CDH18: variants seen among roughly 807,000 people sequenced by gnomAD.
CDH18 encodes the protein cadherin 18, also known as cadherin-18.
A neutral mutation model predicts 67.9 loss-of-function variants in CDH18; 31 were observed. That is an observed-to-expected ratio of 0.46 (90% CI 0.34 to 0.62). CDH18 has a LOEUF of 0.62. Ranked by LOEUF, CDH18 falls within the 20% of genes least tolerant of loss-of-function variation. The pLI, the probability that CDH18 is intolerant of heterozygous loss-of-function variation, is 0.01. For missense variants in CDH18, 890 were observed against 975.5 expected (o/e 0.91, Z 1.17); for synonymous variants, 362 against 347.2 (o/e 1.04, Z -0.48).
chr5:20,039,079 G>T (rs905178197), intron 2 of CDH18, among the ~76,000 whole-genome samples: 1 of 79,472 alleles, frequency 1.3e-5, no homozygotes, highest in African/African-American at 2.9e-5. Flanking sequence ...AATAGTGAGT[G>T]AACTCCCATT....
chr5:20,163,202 G>A (rs1219669857), intron 2 of CDH18, among the ~76,000 whole-genome samples: 3 of 151,734 alleles, frequency 2.0e-5, no homozygotes, highest in African/African-American at 7.3e-5. Context: ...ACTTCATCTT[G>A]TATATTTCTA....
chr5:20,316,142 C>A (rs1737439618), intron 1 of CDH18, among the ~76,000 whole-genome samples: 1 of 152,080 alleles, frequency 6.6e-6, no homozygotes, highest in Admixed American at 6.6e-5. Flanking sequence ...TGAGAAGAAG[C>A]TTTCAAGATT....
intron 5 of CDH18, among the ~76,000 whole-genome samples, chr5:19,673,154 A>G (rs1049572416): frequency 3.3e-5 from 5 of 152,046 alleles, no homozygotes; most frequent in Non-Finnish European, 5.9e-5. Flanking sequence ...CTGTCTTTAC[A>G]CCATGCTTTA....
chr5:20,327,916 G>A (rs1441607215), intron 1 of CDH18, among the ~76,000 whole-genome samples: 1 of 151,972 alleles, frequency 6.6e-6, no homozygotes, highest in Non-Finnish European at 1.5e-5. Flanking sequence ...TATTAATAAA[G>A]TTGAGATAAA....
chr5:19,871,710 A>G (rs898621132), intron 2 of CDH18, among the ~76,000 whole-genome samples: 1 of 152,130 alleles, frequency 6.6e-6, no homozygotes, highest in Non-Finnish European at 1.5e-5. Context: ...TGAGGCATGA[A>G]TGTCTTCTGC....
intron 2 of CDH18, among the ~76,000 whole-genome samples, chr5:20,172,695 G>C (rs1736924784): frequency 6.6e-6 from 1 of 151,968 alleles, no homozygotes; most frequent in Admixed American, 6.6e-5. Context: ...TTTTCTTAAA[G>C]GAATATCCAT....
chr5:20,161,013 C>A (rs1216640044), intron 2 of CDH18, among the ~76,000 whole-genome samples: 1 of 152,214 alleles, frequency 6.6e-6, no homozygotes. Flanking sequence ...TGTTCACATA[C>A]TGACTGTGGC....
chr5:20,289,447 G>A (rs1746938586), intron 1 of CDH18, among the ~76,000 whole-genome samples: 1 of 151,810 alleles, frequency 6.6e-6, no homozygotes, highest in African/African-American at 2.4e-5. Context: ...GTGACTTGTG[G>A]CCACTTTAAC....
At chr5:20,446,270 G>A (rs975042236) in intron 1 of CDH18, among the ~76,000 whole-genome samples, 1 of 152,074 alleles carries the variant, frequency 6.6e-6, no homozygotes, top group Non-Finnish European at 1.5e-5. Context: ...AATTCCATCA[G>A]AGTAGAGTCA....
At chr5:19,779,103 A>G (rs559349057) in intron 3 of CDH18, among the ~76,000 whole-genome samples, 1 of 152,348 alleles carries the variant, frequency 6.6e-6, no homozygotes, top group Admixed American at 6.5e-5. Context: ...TTATATTAAT[A>G]CATGAGGTAG....
chr5:19,646,776 C>T (rs987989251), intron 5 of CDH18, among the ~76,000 whole-genome samples: 6 of 151,974 alleles, frequency 3.9e-5, no homozygotes, highest in Non-Finnish European at 7.4e-5. Flanking sequence ...AATGAGAGAG[C>T]AATGCTAATA....
intron 5 of CDH18, among the ~76,000 whole-genome samples, chr5:19,641,424 T>TAGATGCAA (rs1380135887): frequency 1.1e-4 from 17 of 151,990 alleles, no homozygotes; most frequent in Non-Finnish European, 2.4e-4. Flanking sequence ...TTGAAGAACA[T>TAGATGCAA]AGATGCAAAC....
At chr5:20,319,516 C>T (rs1045045140) in intron 1 of CDH18, among the ~76,000 whole-genome samples, 16 of 152,080 alleles carry the variant, frequency 1.1e-4, no homozygotes, top group Non-Finnish European at 4.4e-5. Context: ...ATTTTAAATA[C>T]GTTTTCATAT....
At chr5:20,550,913 A>G (rs1005288774) in intron 1 of CDH18, among the ~76,000 whole-genome samples, 3 of 152,190 alleles carry the variant, frequency 2.0e-5, no homozygotes, top group African/African-American at 7.2e-5. Flanking sequence ...TCACATGGCA[A>G]GGGAGGGAGC....
chr5:20,024,706 G>A (rs902566576), intron 2 of CDH18, among the ~76,000 whole-genome samples: 1 of 152,132 alleles, frequency 6.6e-6, no homozygotes, highest in Non-Finnish European at 1.5e-5. Context: ...TGCCTAAAGG[G>A]TTTAGACTAT....
At chr5:19,699,624 G>GTGTGTGTGTGTGTGTC (rs1762960591) in intron 5 of CDH18, among the ~76,000 whole-genome samples, 1 of 119,212 alleles carries the variant, frequency 8.4e-6, no homozygotes, top group Non-Finnish European at 1.7e-5. Context: ...GTGTGTGTGT[G>GTGTGTGTGTGTGTGTC]TGTGTGTGTG....
At chr5:20,035,083 G>A (rs373430895) in intron 2 of CDH18, among the ~76,000 whole-genome samples, 2 of 151,992 alleles carry the variant, frequency 1.3e-5, no homozygotes, top group Admixed American at 1.3e-4. Flanking sequence ...TGAGCATGGA[G>A]GAAGAGCCTC....
intron 2 of CDH18, among the ~76,000 whole-genome samples, chr5:20,179,611 G>A (rs2126678472): frequency 6.6e-6 from 1 of 152,252 alleles, no homozygotes; most frequent in African/African-American, 2.4e-5. Flanking sequence ...AGAACTGCCA[G>A]TGGGATTACA....
chr5:19,875,044 T>C (rs1487758486), intron 2 of CDH18, among the ~76,000 whole-genome samples: 1 of 152,106 alleles, frequency 6.6e-6, no homozygotes, highest in Non-Finnish European at 1.5e-5. Flanking sequence ...GTCTAATGAG[T>C]TCACAGGTGA....
Sources: allele counts gnomAD v4.1 joint callset (sites outside exome capture counted in the v4.1 genomes callset), GRCh38; gene constraint gnomAD v4.1.1; transcripts MANE v1.5; gene names NCBI Gene and HGNC (gene_info 2026-07-23, HGNC 2026-07-21).